The following FAM185A variants were observed in gnomAD, a reference collection of about 807,000 sequenced individuals.
FAM185A encodes family with sequence similarity 185 member A.
A neutral mutation model predicts 45.7 loss-of-function variants in FAM185A; 21 were observed. That is an observed-to-expected ratio of 0.46 (90% CI 0.33 to 0.66). The LOEUF (loss-of-function observed/expected upper bound fraction) is 0.66. Ranked by LOEUF, FAM185A falls within the 30% of genes least tolerant of loss-of-function variation. The pLI is 0.03. For synonymous variants in FAM185A, 117 were observed against 194.0 expected, an observed-to-expected ratio of 0.60 and a Z score of 3.30; for missense variants, 305 against 485.4, an observed-to-expected ratio of 0.63 and a Z score of 3.49.
intron 3 of FAM185A, among the ~76,000 whole-genome samples, chr7:102,759,004 T>C (rs1294197696): frequency 3.3e-5 from 5 of 152,048 alleles, no homozygotes; most frequent in Non-Finnish European, 5.9e-5. Context: ...CCGTGGGAGG[T>C]TGTTTAAACC....
chr7:102,829,709 G>A, the FAM185A span, among the ~76,000 whole-genome samples: 2 of 152,128 alleles, frequency 1.3e-5, no homozygotes, highest in East Asian at 1.9e-4. Context: ...ACTGACCTTC[G>A]AGGTGAGGTG....
intron 7 of FAM185A, among the ~76,000 whole-genome samples, chr7:102,805,435 A>C (rs1797051561): frequency 6.6e-6 from 1 of 152,168 alleles, no homozygotes. Flanking sequence ...CAGGAATGGA[A>C]AACTAAACAT....
Position 102,798,553 on chromosome 7 carries a change from G to GAAAT in FAM185A, c.1067-9735_1067-9732dup, listed in dbSNP as rs1386426641. On this transcript the variant is annotated intron_variant, in intron 7 of 7. Transcript: ENST00000413034. ...TGAAGGCTTTTCACTCCATAAGTAAGAAATATATTATTGGGGAGGTGATAA... is the reference window on the plus strand; with the variant it reads ...TGAAGGCTTTTCACTCCATAAGTAAGAAATAAATATATTATTGGGGAGGTGATAA... Among the ~76,000 whole-genome samples the GAAAT allele has an allele frequency of 1.7e-3, 253 of 152,212 alleles. 1 individual carries two copies. The highest frequency in any genetic ancestry group is 5.6e-3 in the African/African-American group (233 of 41,532).
At chr7:102,824,439 T>C in the FAM185A span, among the ~76,000 whole-genome samples, 1 of 152,222 alleles carries the variant, frequency 6.6e-6, no homozygotes, top group Non-Finnish European at 1.5e-5. Context: ...TTCTCATTCC[T>C]ATCCCCATTA....
intron 4 of FAM185A, among the ~76,000 whole-genome samples, chr7:102,771,874 TG>T (rs1794763486): frequency 6.6e-6 from 1 of 152,184 alleles, no homozygotes; most frequent in Non-Finnish European, 1.5e-5. Context: ...GAAGCTTCTT[TG>T]TTCTGTTTTG....
downstream of FAM185A, among the ~76,000 whole-genome samples, chr7:102,812,615 G>A (rs565331698): frequency 1.2e-3 from 182 of 152,144 alleles, 1 homozygote; most frequent in South Asian, 0.014. Context: ...CTTAAAAAGC[G>A]TTACAGATCC....
the FAM185A span, chr7:102,821,899 A>T: frequency 1.1e-6 from 1 of 899,896 alleles, no homozygotes. Context: ...TCACAATGTT[A>T]GCTTCAATTA....
the FAM185A span, among the ~76,000 whole-genome samples, chr7:102,840,777 A>G: frequency 6.6e-6 from 1 of 152,246 alleles, no homozygotes; most frequent in Non-Finnish European, 1.5e-5. Flanking sequence ...GTGACCAGGA[A>G]CAAGTCATGT....
the FAM185A span, among the ~76,000 whole-genome samples, chr7:102,831,859 G>A: frequency 9.2e-5 from 14 of 152,100 alleles, no homozygotes; most frequent in East Asian, 1.9e-4. Context: ...TTCTGGTAGC[G>A]TTTCAAGAGG....
intron 4 of FAM185A, among the ~76,000 whole-genome samples, chr7:102,764,981 A>G (rs1199954295): frequency 6.6e-6 from 1 of 152,280 alleles, no homozygotes; most frequent in Admixed American, 6.5e-5. Flanking sequence ...TGTATTGAGT[A>G]CCTAAATTGG....
intron 4 of FAM185A, among the ~76,000 whole-genome samples, chr7:102,766,051 G>A (rs1174581161): frequency 6.6e-6 from 1 of 152,152 alleles, no homozygotes; most frequent in Non-Finnish European, 1.5e-5. Context: ...ACAAAATACA[G>A]TTTTAAATAT....
chr7:102,766,853 T>A (rs1307113660), intron 4 of FAM185A, among the ~76,000 whole-genome samples: 2 of 152,282 alleles, frequency 1.3e-5, no homozygotes. Flanking sequence ...TTGAGTGTGA[T>A]GGCTTGATCT....
intron 7 of FAM185A, 135 bp from the exon 8 acceptor site, chr7:102,808,155 C>A: frequency 1.5e-6 from 1 of 651,120 alleles, no homozygotes; most frequent in Non-Finnish European, 2.7e-6. Flanking sequence ...CTCTTTGCAA[C>A]TCCTGCCCAG....
chr7:102,782,592 GCAACTGCTGAGAGATTTTGTCAC>G (rs1191361653), intron 6 of FAM185A, among the ~76,000 whole-genome samples: 2 of 152,140 alleles, frequency 1.3e-5, no homozygotes, highest in Non-Finnish European at 2.9e-5. Context: ...TTACAGACAA[GCAACTGCTGAGAGATTTTGTCAC>G]CAACAGGCCG....
intron 4 of FAM185A, among the ~76,000 whole-genome samples, chr7:102,767,762 T>C (rs1794501407): frequency 6.6e-6 from 1 of 151,942 alleles, no homozygotes; most frequent in Admixed American, 6.6e-5. Context: ...ACAGACATCT[T>C]GAACTCAACA....
chr7:102,842,792 T>G, the FAM185A span, among the ~76,000 whole-genome samples: 3 of 152,192 alleles, frequency 2.0e-5, no homozygotes, highest in African/African-American at 7.2e-5. Context: ...GGGGTTTCAG[T>G]TCCATAGCAC....
At chr7:102,806,432 G>A (rs549519544) in intron 7 of FAM185A, among the ~76,000 whole-genome samples, 20 of 152,276 alleles carry the variant, frequency 1.3e-4, no homozygotes, top group South Asian at 4.1e-4. Context: ...TGACCTGCCC[G>A]TCTTGGTCTC....
intron 7 of FAM185A, among the ~76,000 whole-genome samples, chr7:102,800,002 C>T (rs1393782975): frequency 1.3e-5 from 2 of 152,180 alleles, no homozygotes; most frequent in Non-Finnish European, 2.9e-5. Context: ...ATTGCTCCTA[C>T]AGGACCCAAG....
chr7:102,761,536 T>C (rs951093465), intron 4 of FAM185A, 125 bp downstream of exon 4: 21 of 645,590 alleles, frequency 3.3e-5, no homozygotes, highest in East Asian at 3.2e-4. Flanking sequence ...AGACTAACCA[T>C]CTTTTTAAAA....
Sources: gnomAD v4.1 joint callset for allele counts (sites outside exome capture counted in the v4.1 genomes callset) on GRCh38, gnomAD v4.1.1 for gene constraint, MANE v1.5 for transcripts, NCBI Gene and HGNC (gene_info 2026-07-23, HGNC 2026-07-21) for gene names.